Variants in ARMH4 observed in about 807,000 individuals in gnomAD.
ARMH4 encodes the protein armadillo like helical domain containing 4, also known as armadillo-like helical domain-containing protein 4.
A neutral mutation model predicts 61.9 loss-of-function variants in ARMH4; 49 were observed. The observed-to-expected ratio is 0.79, with a 90% CI of 0.63 to 1.00. The LOEUF (loss-of-function observed/expected upper bound fraction) is 1.00. Among genes scored for constraint, ARMH4 ranks in the 50% least tolerant of loss-of-function variants. The probability of loss-of-function intolerance (pLI) is 0.00; values close to 1 mark genes in which losing one functional copy is unlikely to be tolerated. For synonymous variants in ARMH4, 368 were observed against 341.5 expected (o/e 1.08, Z -0.85); for missense variants, 934 against 930.0 (o/e 1.00, Z -0.06).
chr14:58,053,937 C>T (rs1201291599), intron 5 of ARMH4, among the ~76,000 whole-genome samples: 1 of 152,150 alleles, frequency 6.6e-6, no homozygotes, highest in Non-Finnish European at 1.5e-5. Flanking sequence ...CTATCACATG[C>T]TGGATTTTAA....
intron 4 of ARMH4, among the ~76,000 whole-genome samples, chr14:58,126,009 T>A (rs950839612): frequency 2.0e-5 from 3 of 152,214 alleles, no homozygotes; most frequent in Admixed American, 2.0e-4. Flanking sequence ...CAATCATCTA[T>A]CACCTGAGAC....
Position 58,139,414 on chromosome 14 carries a change from C to G in ARMH4, c.-56G>C. On this transcript the variant is annotated splice_region_variant and 5_prime_UTR_variant, in exon 2 of 8. Coordinates refer to ENST00000267485, the MANE Select transcript of ARMH4 (RefSeq NM_001001872.4). ...GAGTTGACAAGTCCAGTAATTGAAT[C>G]CTGCAGAAAAATAAAGCATATCAAA... 6.5e-7 allele frequency: 1 copy of G among 1,530,236 alleles called. No homozygotes were observed. Among genetic ancestry groups the G allele is most frequent in the Non-Finnish European group, 9.0e-7 (1 of 1,112,786 alleles). 94.8% of individuals were successfully genotyped at this position (1,530,236 alleles called of 1,614,324 possible).
chr14:58,044,906 A>T (rs541529113), intron 5 of ARMH4, among the ~76,000 whole-genome samples: 6 of 152,354 alleles, frequency 3.9e-5, no homozygotes, highest in African/African-American at 9.6e-5. Context: ...TCAAAACCAC[A>T]ATGAGATACC....
Position 58,133,272 on chromosome 14 carries a change from T to A in ARMH4, c.1439A>T (p.Glu480Val), listed in dbSNP as rs138577359. The A allele has an allele frequency of 5.1e-5, 82 of 1,613,964 alleles. No individual in the cohort carries two copies. Among genetic ancestry groups the A allele is most frequent in the Middle Eastern group, 4.9e-4 (3 of 6,082 alleles). ...PDATLSMVTQ[E>V]QVATLELIRD... ...GATAAGCTCGAGGGTAGCAACCTGC[T>A]CTTGTGTCACCATGGATAAAGTGGC... The change falls in exon 3 of 8, where the codon GAG (glutamate) becomes GTG (valine). Residue 480 changes from glutamate to valine, a missense_variant. Glu to Val is a moderately radical substitution (Grantham distance 121, BLOSUM62 -2). Coordinates refer to ENST00000267485, the MANE Select transcript of ARMH4 (RefSeq NM_001001872.4).
chr14:58,138,318 T>C lies in ARMH4; in HGVS notation c.1041A>G (p.Gln347=). 1 of 1,614,212 alleles carries C rather than the reference T, an allele frequency of 6.2e-7. No individual in the cohort carries two copies. Among genetic ancestry groups the C allele is most frequent in the Non-Finnish European group, 8.5e-7 (1 of 1,180,020 alleles). Residue 347 remains glutamine, a synonymous_variant, in exon 2 of 8, where the codon CAA becomes CAG. Coordinates refer to ENST00000267485, the MANE Select transcript of ARMH4 (RefSeq NM_001001872.4). ...CTCCTTCCATACCCTCATGGCTTAC[T>C]TGTGCTGTCTGAGACATCTCCGTTC... ...QVRTEMSQTA[Q]VSHEGMEGGQ...
chr14:58,091,733 T>C (rs770961663), intron 5 of ARMH4, among the ~76,000 whole-genome samples: 1 of 152,222 alleles, frequency 6.6e-6, no homozygotes, highest in Non-Finnish European at 1.5e-5. Flanking sequence ...TTCTTGTTAA[T>C]AAATCTGAAA....
chr14:58,103,626 T>C (rs1451230911), intron 4 of ARMH4, among the ~76,000 whole-genome samples: 17 of 151,892 alleles, frequency 1.1e-4, no homozygotes, highest in Admixed American at 1.1e-3. Context: ...TCTTGCTGTG[T>C]CACCCAGGCT....
intron 5 of ARMH4, among the ~76,000 whole-genome samples, chr14:58,075,853 T>C (rs1885028912): frequency 6.6e-6 from 1 of 152,172 alleles, no homozygotes; most frequent in Admixed American, 6.5e-5. Context: ...AAACATTACC[T>C]TGAGCTTTAA....
chr14:58,072,800 G>C (rs1478114111), intron 5 of ARMH4, among the ~76,000 whole-genome samples: 1 of 152,120 alleles, frequency 6.6e-6, no homozygotes, highest in African/African-American at 2.4e-5. Context: ...GTTCAAGGAA[G>C]AGCCATCTTT....
chr14:58,130,138 C>A (rs750290450), intron 4 of ARMH4, among the ~76,000 whole-genome samples: 66 of 152,112 alleles, frequency 4.3e-4, no homozygotes, highest in Non-Finnish European at 7.9e-4. Flanking sequence ...TTTAGGGAAA[C>A]CTGCTTTTTC....
chr14:58,021,779 A>T (rs1882841449), intron 5 of ARMH4, among the ~76,000 whole-genome samples: 1 of 152,190 alleles, frequency 6.6e-6, no homozygotes, highest in South Asian at 2.1e-4. Flanking sequence ...TGTTCATATG[A>T]AACAACCCAG....
intron 4 of ARMH4, among the ~76,000 whole-genome samples, chr14:58,115,787 C>A (rs1349238900): frequency 6.6e-6 from 1 of 152,158 alleles, no homozygotes; most frequent in African/African-American, 2.4e-5. Flanking sequence ...GGCCATCAAA[C>A]TAAGTGAATT....
rs1337390102 is a variant in ARMH4, at chr14:58,046,788, T to C, written c.2090-34638A>G. On this transcript the variant is annotated intron_variant, in intron 5 of 7. Transcript: ENST00000267485. ...GAGAAATATCTGGACAGACTCCTTT[T>C]ATGAGATAAAAATTCTTATGGCCCT... 3.3e-5 allele frequency among the ~76,000 whole-genome samples: 5 copies of C among 152,202 alleles called. 1 individual carries two copies. The highest frequency in any genetic ancestry group is 5.9e-5 in the Non-Finnish European group (4 of 68,046).
intron 5 of ARMH4, among the ~76,000 whole-genome samples, chr14:58,014,919 G>A (rs1485265666): frequency 3.3e-5 from 5 of 152,038 alleles, no homozygotes; most frequent in African/African-American, 1.2e-4. Context: ...CAATAAATAG[G>A]GCAAATCAAA....
At chr14:58,072,770 G>A (rs1884925519) in intron 5 of ARMH4, among the ~76,000 whole-genome samples, 1 of 151,926 alleles carries the variant, frequency 6.6e-6, no homozygotes, top group Non-Finnish European at 1.5e-5. Context: ...TTAGTTGACT[G>A]CAGCGACACC....
chr14:58,116,380 T>C, intron 4 of ARMH4: 1 of 376,854 alleles, frequency 2.7e-6, no homozygotes. Flanking sequence ...GGCAGCTGTT[T>C]AAATATTTTC....
At chr14:58,056,562 A>G (rs1314990237) in intron 5 of ARMH4, among the ~76,000 whole-genome samples, 2 of 152,214 alleles carry the variant, frequency 1.3e-5, no homozygotes, top group Non-Finnish European at 2.9e-5. Context: ...TCATACAGCT[A>G]GAAGAAATCT....
At chr14:58,130,197 A>G (rs1281439878) in intron 4 of ARMH4, among the ~76,000 whole-genome samples, 1 of 152,222 alleles carries the variant, frequency 6.6e-6, no homozygotes, top group African/African-American at 2.4e-5. Flanking sequence ...GCTAAACTCA[A>G]AGTCATACAG....
intron 1 of ARMH4, among the ~76,000 whole-genome samples, chr14:58,143,291 C>T (rs1054415479): frequency 1.3e-5 from 2 of 152,126 alleles, no homozygotes; most frequent in African/African-American, 4.8e-5. Context: ...TCAGGGATTA[C>T]AAATTTAGCT....
Sources: gnomAD v4.1 joint callset for allele counts (sites outside exome capture counted in the v4.1 genomes callset) on GRCh38, gnomAD v4.1.1 for gene constraint, MANE v1.5 for transcripts, NCBI Gene and HGNC (gene_info 2026-07-23, HGNC 2026-07-21) for gene names.